DPH6: variants seen among roughly 807,000 people sequenced by gnomAD.
DPH6 encodes the protein diphthamine biosynthesis 6.
In DPH6, 33 loss-of-function variants were observed where a neutral mutation model predicts 38.2. That is an observed-to-expected ratio of 0.86 (90% CI 0.65 to 1.15). The LOEUF is 1.15. DPH6 is among the 50% of genes most tolerant of loss of function. The pLI, the probability that DPH6 is intolerant of heterozygous loss-of-function variation, is 0.00. For synonymous variants in DPH6, 108 were observed against 103.0 expected (o/e 1.05, Z -0.30); for missense variants, 325 against 320.0 (o/e 1.02, Z -0.12).
intron 5 of DPH6, among the ~76,000 whole-genome samples, chr15:35,433,536 G>A (rs907496778): frequency 3.3e-5 from 5 of 152,138 alleles, no homozygotes; most frequent in African/African-American, 1.2e-4. Flanking sequence ...AATATTTTAG[G>A]TTTTGTAGGC....
intron 3 of DPH6, among the ~76,000 whole-genome samples, chr15:35,458,263 C>A (rs997959517): frequency 1.3e-5 from 2 of 152,062 alleles, no homozygotes; most frequent in African/African-American, 2.4e-5. Flanking sequence ...CTAACTCTTT[C>A]ATTTTGATGG....
At chr15:35,252,937 C>T (rs2051684338) in intron 3 of DPH6, among the ~76,000 whole-genome samples, 1 of 152,206 alleles carries the variant, frequency 6.6e-6, no homozygotes, top group South Asian at 2.1e-4. Context: ...TATCAACCTT[C>T]AAATGAGCTT....
chr15:35,185,825 C>T, the DPH6 span, among the ~76,000 whole-genome samples: 4 of 150,494 alleles, frequency 2.7e-5, no homozygotes, highest in Admixed American at 6.7e-5. Flanking sequence ...CTCTGCCTCC[C>T]GGGTTCACGC....
chr15:35,247,700 A>T (rs971794675), intron 3 of DPH6, among the ~76,000 whole-genome samples: 9 of 152,210 alleles, frequency 5.9e-5, no homozygotes, highest in African/African-American at 2.2e-4. Context: ...ACATGCATAC[A>T]ATTTATAAAT....
intron 3 of DPH6, among the ~76,000 whole-genome samples, chr15:35,527,683 C>T (rs1048595565): frequency 3.9e-5 from 6 of 152,056 alleles, no homozygotes; most frequent in Non-Finnish European, 5.9e-5. Context: ...CTGACTAAAA[C>T]GCAGCACTAT....
Position 35,371,996 on chromosome 15 carries a change from A to G in DPH6, c.*154T>C. On this transcript the variant is annotated 3_prime_UTR_variant, in exon 9 of 9. Transcript: ENST00000256538. ...GCCGTCGACATTTTCCCAATTAATAAATGGTTCCACTAACCTCTTCTAGTG... is the reference window on the plus strand; with the variant it reads ...GCCGTCGACATTTTCCCAATTAATAGATGGTTCCACTAACCTCTTCTAGTG... 1 of 1,345,696 alleles carries G rather than the reference A, an allele frequency of 7.4e-7. No individual in the cohort carries two copies. The highest frequency in any genetic ancestry group is 2.1e-5 in the South Asian group (1 of 48,190). The allele number at this position is 1,345,696 out of a possible 1,614,324, so 83.4% of individuals were successfully genotyped here.
chr15:35,309,500 T>C (rs2052122168), intron 3 of DPH6, among the ~76,000 whole-genome samples: 1 of 152,200 alleles, frequency 6.6e-6, no homozygotes, highest in South Asian at 2.1e-4. Flanking sequence ...TAATGAAAAT[T>C]AGTTGTGTGA....
intron 6 of DPH6, among the ~76,000 whole-genome samples, chr15:35,399,773 G>C (rs2053192972): frequency 6.6e-6 from 1 of 152,166 alleles, no homozygotes; most frequent in African/African-American, 2.4e-5. Context: ...TCCCAAAACA[G>C]AATTCTATGA....
chr15:35,326,419 A>G (rs1298748045), downstream of DPH6, among the ~76,000 whole-genome samples: 2 of 151,724 alleles, frequency 1.3e-5, no homozygotes, highest in African/African-American at 4.9e-5. Context: ...TAGCCAAATA[A>G]TCTTTTAAAA....
chr15:35,453,621 C>A lies in DPH6; in HGVS notation c.386+1126G>T, dbSNP rs183144465. Among the ~76,000 whole-genome samples the A allele has an allele frequency of 4.6e-5, 7 of 152,166 alleles. No individual in the cohort carries two copies. In the East Asian group the frequency reaches 1.4e-3, roughly 29 times the overall value. On this transcript the variant is annotated intron_variant, in intron 4 of 8. Transcript: ENST00000256538. ...TCAAAATACACATGACCTCCTTCCC[C>A]ACTCCATCATCATCATCCATCGTCC...
intron 3 of DPH6, among the ~76,000 whole-genome samples, chr15:35,499,582 A>AATT (rs1429852074): frequency 6.6e-6 from 1 of 152,206 alleles, no homozygotes; most frequent in Non-Finnish European, 1.5e-5. Flanking sequence ...ATGAGGGAAG[A>AATT]ATTAAAAAAG....
chr15:35,283,389 C>A (rs1354697191), intron 3 of DPH6, among the ~76,000 whole-genome samples: 4 of 151,904 alleles, frequency 2.6e-5, no homozygotes, highest in Non-Finnish European at 5.9e-5. Flanking sequence ...CTCCATCTCC[C>A]AGGTTCAAGC....
chr15:35,174,852 A>G, the DPH6 span, among the ~76,000 whole-genome samples: 2 of 152,308 alleles, frequency 1.3e-5, no homozygotes, highest in Admixed American at 1.3e-4. Context: ...GGGGTGTCTA[A>G]TATCATCATG....
intron 3 of DPH6, among the ~76,000 whole-genome samples, chr15:35,277,196 G>T (rs917146272): frequency 2.6e-5 from 4 of 152,080 alleles, no homozygotes; most frequent in African/African-American, 9.7e-5. Context: ...TTGTAAAAGG[G>T]GTTGAATTCT....
chr15:35,467,647 A>T (rs1158340523), intron 3 of DPH6, among the ~76,000 whole-genome samples: 1 of 152,202 alleles, frequency 6.6e-6, no homozygotes, highest in Non-Finnish European at 1.5e-5. Context: ...GGTTATCAGT[A>T]ACACTGTCTT....
At chr15:35,398,864 C>T (rs997640599) in intron 6 of DPH6, among the ~76,000 whole-genome samples, 5 of 152,138 alleles carry the variant, frequency 3.3e-5, no homozygotes, top group Non-Finnish European at 7.3e-5. Flanking sequence ...CAGTTGGTGT[C>T]TGCTGAGGAA....
chr15:35,284,496 A>C (rs2051926153), intron 3 of DPH6, among the ~76,000 whole-genome samples: 1 of 151,644 alleles, frequency 6.6e-6, no homozygotes, highest in African/African-American at 2.4e-5. Context: ...TAATGAAAAG[A>C]AAAAAGTGAG....
At chr15:35,191,552 C>G in the DPH6 span, among the ~76,000 whole-genome samples, 1 of 152,178 alleles carries the variant, frequency 6.6e-6, no homozygotes, top group Non-Finnish European at 1.5e-5. Context: ...CAAAGTTTAT[C>G]TCAAGTCAAA....
At chr15:35,360,278 G>A (rs990560093) in intron 3 of DPH6, among the ~76,000 whole-genome samples, 2 of 152,138 alleles carry the variant, frequency 1.3e-5, no homozygotes, top group Non-Finnish European at 2.9e-5. Flanking sequence ...CAGGTACACA[G>A]TTGAAGGGCC....
Sources: allele counts gnomAD v4.1 joint callset (sites outside exome capture counted in the v4.1 genomes callset), GRCh38; gene constraint gnomAD v4.1.1; transcripts MANE v1.5; gene names NCBI Gene and HGNC (gene_info 2026-07-23, HGNC 2026-07-21).